PCNX2: variants seen among roughly 807,000 people sequenced by gnomAD.
PCNX2 encodes the protein pecanex 2.
PCNX2 carries 168 observed loss-of-function variants against 223.8 expected under a neutral mutation model. The ratio of observed to expected loss-of-function variants is 0.75; its 90% CI spans 0.66 to 0.85. The LOEUF (loss-of-function observed/expected upper bound fraction) is 0.85. Among genes scored for constraint, PCNX2 ranks in the 40% least tolerant of loss-of-function variants. The pLI is 0.00. For missense variants in PCNX2, 2,507 were observed against 2,675.5 expected (o/e 0.94, Z 1.39); for synonymous variants, 1,006 against 1,052.6 (o/e 0.96, Z 0.86).
chr1:232,999,446 CTTTTTCTTTTTT>C, intron 30 of PCNX2, 67 bp from the exon 31 acceptor site: 1 of 1,189,772 alleles, frequency 8.4e-7, no homozygotes, highest in Non-Finnish European at 1.1e-6. Flanking sequence ...TTGGTTTTTT[CTTTTTCTTTTTT>C]TTTTTTTTTT....
chr1:233,214,997 T>C (rs1682039747), intron 12 of PCNX2, among the ~76,000 whole-genome samples: 2 of 152,198 alleles, frequency 1.3e-5, no homozygotes, highest in African/African-American at 2.4e-5. Flanking sequence ...TCAATCACTC[T>C]AAGAGCAAAA....
At chr1:233,279,389 T>TTGTG (rs57288356) in intron 1 of PCNX2, among the ~76,000 whole-genome samples, 11,974 of 142,614 alleles carry the variant, frequency 0.084, 539 homozygotes, top group South Asian at 0.15. Context: ...TAATTTGTGT[T>TTGTG]TGTGTGTGTG....
intron 21 of PCNX2, among the ~76,000 whole-genome samples, chr1:233,100,417 CAAAAAAAAAAAAAAA>C (rs5781726): frequency 1.2e-5 from 1 of 81,068 alleles, no homozygotes; most frequent in South Asian, 4.4e-4. Context: ...GATTCTGTCT[CAAAAAAAAAAAAAAA>C]AAAAAAAGAA....
At chr1:233,190,367 T>C (rs891460361) in intron 15 of PCNX2, among the ~76,000 whole-genome samples, 1 of 152,202 alleles carries the variant, frequency 6.6e-6, no homozygotes, top group African/African-American at 2.4e-5. Flanking sequence ...TCTTGACAAT[T>C]TGCTAACCAC....
chr1:233,098,080 G>A (rs1208212790), intron 21 of PCNX2, among the ~76,000 whole-genome samples: 1 of 152,208 alleles, frequency 6.6e-6, no homozygotes, highest in East Asian at 1.9e-4. Flanking sequence ...TGTGACTCAT[G>A]TCTAGGTGAA....
chr1:233,248,984 A>C (rs1659292876), intron 8 of PCNX2, among the ~76,000 whole-genome samples: 3 of 151,942 alleles, frequency 2.0e-5, no homozygotes, highest in African/African-American at 7.3e-5. Context: ...AATGCAGAGG[A>C]AATGAAAGAA....
chr1:233,211,780 T>A, intron 12 of PCNX2: 2 of 985,332 alleles, frequency 2.0e-6, no homozygotes, highest in Non-Finnish European at 2.4e-6. Flanking sequence ...TCATTCATAC[T>A]CACCACTCTT....
intron 23 of PCNX2, among the ~76,000 whole-genome samples, chr1:233,071,852 A>T (rs1672871941): frequency 6.6e-6 from 1 of 152,168 alleles, no homozygotes; most frequent in Admixed American, 6.5e-5. Flanking sequence ...CTAGTGTGAG[A>T]TGGTACTTCA....
intron 9 of PCNX2, among the ~76,000 whole-genome samples, chr1:233,229,155 C>T (rs757102744): frequency 2.6e-5 from 4 of 152,204 alleles, no homozygotes; most frequent in Non-Finnish European, 5.9e-5. Context: ...CACAGCAGAA[C>T]TCTCCAAGAA....
At chr1:233,041,827 C>G (rs66517870) in intron 25 of PCNX2, among the ~76,000 whole-genome samples, 29,464 of 152,152 alleles carry the variant, frequency 0.19, 3,848 homozygotes, top group African/African-American at 0.37. Flanking sequence ...TTATCAGTAG[C>G]ACATAAATTC....
chr1:233,133,497 A>T (rs1676625099), intron 21 of PCNX2, among the ~76,000 whole-genome samples: 1 of 152,190 alleles, frequency 6.6e-6, no homozygotes, highest in Non-Finnish European at 1.5e-5. Flanking sequence ...AATGGTGAGA[A>T]ACCAATGGAA....
At chr1:233,024,112 G>T (rs1020853937) in intron 26 of PCNX2, among the ~76,000 whole-genome samples, 3 of 152,116 alleles carry the variant, frequency 2.0e-5, no homozygotes, top group Non-Finnish European at 4.4e-5. Context: ...GGGGGGTCTT[G>T]CTATGTTGCC....
At chr1:233,130,633 C>T (rs1026417277) in intron 21 of PCNX2, among the ~76,000 whole-genome samples, 23 of 151,914 alleles carry the variant, frequency 1.5e-4, no homozygotes, top group African/African-American at 7.3e-5. Context: ...TACAGGTGCC[C>T]GCCACTGTGC....
rs368838445 is a variant in PCNX2, at chr1:232,990,350, C to T, written c.5792-3810G>A. On this transcript the variant is annotated intron_variant, in intron 32 of 33. Transcript: ENST00000258229. The surrounding 1 kb of genome is among the most constrained non-coding windows in gnomAD (Gnocchi z 4.3). ...GAGGGGAATGAAAGCTCTGTGCTCC[C>T]GGTCGCAGTCAGTGCTAGAGAGCCT... 1.7e-4 allele frequency among the ~76,000 whole-genome samples: 26 copies of T among 152,270 alleles called. 1 individual carries two copies. In the East Asian group the frequency reaches 1.7e-3, roughly 10 times the overall value.
intron 9 of PCNX2, among the ~76,000 whole-genome samples, chr1:233,227,858 T>C (rs1657839444): frequency 2.0e-5 from 3 of 152,178 alleles, no homozygotes. Flanking sequence ...AACTGAAATA[T>C]TTATTGAAAA....
intron 19 of PCNX2, among the ~76,000 whole-genome samples, chr1:233,156,899 T>C (rs934643565): frequency 7.9e-5 from 12 of 151,800 alleles, no homozygotes; most frequent in South Asian, 2.1e-4. Context: ...GCCTGGGTGA[T>C]AGAGTGAGAT....
chr1:233,113,685 T>A (rs534890612), intron 21 of PCNX2, among the ~76,000 whole-genome samples: 99 of 152,340 alleles, frequency 6.5e-4, no homozygotes, highest in African/African-American at 2.3e-3. Context: ...AGGTGTGTGT[T>A]CTTTGTTTTC....
intron 17 of PCNX2, 68 bp downstream of exon 17, chr1:233,177,734 T>C (rs1473950015): frequency 6.6e-6 from 9 of 1,367,766 alleles, no homozygotes; most frequent in African/African-American, 5.7e-5. Context: ...TAGAGCTCCA[T>C]TGAGAGCCTG....
intron 28 of PCNX2, among the ~76,000 whole-genome samples, chr1:233,013,478 A>G (rs1225642989): frequency 6.6e-6 from 1 of 152,198 alleles, no homozygotes; most frequent in East Asian, 1.9e-4. Flanking sequence ...AACACAGTCA[A>G]CAAGGCTCCC....
Sources: gnomAD v4.1 joint callset for allele counts (sites outside exome capture counted in the v4.1 genomes callset) on GRCh38, gnomAD v4.1.1 for gene constraint, Gnocchi (gnomAD v3.1) non-coding constraint, MANE v1.5 for transcripts, NCBI Gene and HGNC (gene_info 2026-07-23, HGNC 2026-07-21) for gene names.